The following KDM4B variants were observed in gnomAD, a reference collection of about 807,000 sequenced individuals.
KDM4B encodes lysine demethylase 4B.
In KDM4B, 32 loss-of-function variants were observed where a neutral mutation model predicts 125.2. The observed-to-expected ratio is 0.26, with a 90% CI of 0.19 to 0.34. The LOEUF (loss-of-function observed/expected upper bound fraction) is 0.34, where lower values mean the gene tolerates loss of function less well. Ranked by LOEUF, KDM4B falls within the 10% of genes least tolerant of loss-of-function variation. The pLI, the probability that KDM4B is intolerant of heterozygous loss-of-function variation, is 1.00. For synonymous variants in KDM4B, 721 were observed against 677.9 expected (o/e 1.06, Z -0.99); for missense variants, 1,190 against 1,577.7 (o/e 0.75, Z 4.16).
At chr19:5,016,849 T>C (rs1330927235) in intron 2 of KDM4B, among the ~76,000 whole-genome samples, 1 of 152,232 alleles carries the variant, frequency 6.6e-6, no homozygotes, top group Non-Finnish European at 1.5e-5. Flanking sequence ...GCCTTTCTTA[T>C]AAGCCGGTGG....
At chr19:4,979,365 C>T (rs1333874727) in intron 1 of KDM4B, among the ~76,000 whole-genome samples, 5 of 152,224 alleles carry the variant, frequency 3.3e-5, no homozygotes, top group African/African-American at 4.8e-5. Context: ...CTGCTGTTTG[C>T]GCAGAGCCTT....
At chr19:5,065,948 G>A (rs1338429005) in intron 6 of KDM4B, among the ~76,000 whole-genome samples, 1 of 152,206 alleles carries the variant, frequency 6.6e-6, no homozygotes, top group Non-Finnish European at 1.5e-5. Flanking sequence ...CGCTGGCTGA[G>A]CCTGGTGGGG....
rs1470477522 is a variant in KDM4B at position 5,047,497 on chromosome 19, G to A, written c.454G>A (p.Gly152Arg). Residue 152 changes from glycine (G) to arginine (R), a missense_variant, in exon 6 of 23, where the codon GGG becomes AGG. Coordinates refer to ENST00000159111, the MANE Select transcript of KDM4B (RefSeq NM_015015.3). ...ACAGGACGTGGCCCAGTGGAACATC[G>A]GGAGCCTCCGGACCATCCTGGACAT... is the stretch of plus-strand genomic sequence containing the variant. The part of the protein sequence containing the change: ...YDDDVAQWNI[G>R]SLRTILDMVE... The A allele has an allele frequency of 7.4e-6, 12 of 1,611,006 alleles. No homozygotes were observed. The highest frequency in any genetic ancestry group is 5.5e-5 in the South Asian group (5 of 90,918).
At chr19:5,083,074 C>T (rs62115603) in intron 9 of KDM4B, among the ~76,000 whole-genome samples, 1 of 152,176 alleles carries the variant, frequency 6.6e-6, no homozygotes, top group East Asian at 1.9e-4. Flanking sequence ...CTTAGCATGC[C>T]CGTGGGAAGA....
rs927191815 is a variant in KDM4B at position 5,142,682 on chromosome 19, C to G, written c.2551-1285C>G. ...CCAGGCTCCCCAGGGAGCACAGCCT[C>G]CACTCCTACACACTGGCTACTCTGC... is the stretch of plus-strand genomic sequence containing the variant. On this transcript the variant is annotated intron_variant, in intron 18 of 22. Coordinates refer to ENST00000159111, the MANE Select transcript of KDM4B (RefSeq NM_015015.3). This position sits in a 1 kb window ranked among gnomAD's most constrained non-coding sequence, Gnocchi z 5.4. Among the ~76,000 whole-genome samples the G allele has an allele frequency of 6.6e-6, 1 of 152,120 alleles. No individual in the cohort carries two copies. The highest frequency in any genetic ancestry group is 1.5e-5 in the Non-Finnish European group (1 of 68,008).
At chr19:5,026,207 C>G (rs920648968) in intron 2 of KDM4B, among the ~76,000 whole-genome samples, 1 of 148,972 alleles carries the variant, frequency 6.7e-6, no homozygotes, top group African/African-American at 2.5e-5. Context: ...GGAGTTTGCC[C>G]TGGTCTCCCA....
chr19:5,104,947 G>A (rs2039006914), intron 9 of KDM4B, among the ~76,000 whole-genome samples: 1 of 152,220 alleles, frequency 6.6e-6, no homozygotes, highest in Admixed American at 6.5e-5. Context: ...CAGCCGGAAT[G>A]TGCAAAGTCC....
intron 3 of KDM4B, among the ~76,000 whole-genome samples, chr19:5,038,124 C>T (rs989731355): frequency 6.6e-6 from 1 of 152,220 alleles, no homozygotes; most frequent in African/African-American, 2.4e-5. Flanking sequence ...TGAGCCGAAG[C>T]GGGTGGGTTA....
intron 6 of KDM4B, among the ~76,000 whole-genome samples, chr19:5,063,723 A>G (rs755036844): frequency 3.3e-5 from 5 of 152,218 alleles, no homozygotes; most frequent in Non-Finnish European, 5.9e-5. Flanking sequence ...TCCTGTGAAC[A>G]GCTTTGTTTG....
At position 5,033,041 on chromosome 19, in the gene KDM4B, A is replaced by G. The variant is rs761362713; in HGVS notation, c.141+10A>G. ...GGCGGGCCTGGCCAAGGTGGGTGACATCCTGGCCCCAGCGCGGCCCTCCAT... is the reference window on the plus strand; with the variant it reads ...GGCGGGCCTGGCCAAGGTGGGTGACGTCCTGGCCCCAGCGCGGCCCTCCAT... On this transcript the variant is annotated intron_variant, in intron 3 of 22. Transcript: ENST00000159111. The G allele has an allele frequency of 8.7e-6, 14 of 1,612,238 alleles. No homozygotes were observed. The South Asian group carries it at 9.9e-5, about 11-fold the overall frequency.
intron 12 of KDM4B, 116 bp downstream of exon 12, chr19:5,131,661 A>AGGTGGGGTGGAGCGGGGGAGGAGGGGG (rs1568316990): frequency 5.3e-6 from 1 of 189,552 alleles, no homozygotes; most frequent in African/African-American, 1.0e-4. Flanking sequence ...GGAGGAGGGG[A>AGGTGGGGTGGAGCGGGGGAGGAGGGGG]CAGGAGGGCT....
At chr19:5,056,900 GGGGCGGGGAGT>G (rs2037417249) in intron 6 of KDM4B, among the ~76,000 whole-genome samples, 4 of 150,442 alleles carry the variant, frequency 2.7e-5, no homozygotes, top group South Asian at 2.1e-4. Context: ...GGGGAGTCCT[GGGGCGGGGAGT>G]CCTGGGGTGT....
At position 5,055,675 on chromosome 19, in the gene KDM4B, G is replaced by T. The variant is rs970645475; in HGVS notation, c.626+8006G>T. Among the ~76,000 whole-genome samples, 16 of 152,314 alleles carry T rather than the reference G, an allele frequency of 1.1e-4. No individual in the cohort carries two copies. In the East Asian group the frequency reaches 2.1e-3, roughly 20 times the overall value. ...CGGGTGGTGGCCGTGATGGGGACTGGGAGGACACCCCACAGCAGGTGAGTG... is the reference window on the plus strand; with the variant it reads ...CGGGTGGTGGCCGTGATGGGGACTGTGAGGACACCCCACAGCAGGTGAGTG... On this transcript the variant is annotated intron_variant, in intron 6 of 22. Transcript: ENST00000159111.
At chr19:5,103,245 T>G (rs2038971613) in intron 9 of KDM4B, among the ~76,000 whole-genome samples, 2 of 152,230 alleles carry the variant, frequency 1.3e-5, no homozygotes, top group Admixed American at 1.3e-4. Context: ...CGAGCCAATT[T>G]CGCTTGGCAC....
At chr19:5,093,434 C>T (rs558801138) in intron 9 of KDM4B, among the ~76,000 whole-genome samples, 102 of 152,226 alleles carry the variant, frequency 6.7e-4, no homozygotes, top group Middle Eastern at 3.4e-3. Flanking sequence ...GCCCCGCAGC[C>T]GAAGCCCAGG....
At chr19:4,991,164 A>G (rs1176824121) in intron 1 of KDM4B, among the ~76,000 whole-genome samples, 2 of 152,046 alleles carry the variant, frequency 1.3e-5, no homozygotes, top group Non-Finnish European at 2.9e-5. Flanking sequence ...TGTTATGGAG[A>G]ATTTGACTAC....
chr19:5,057,652 C>T (rs1202577477), intron 6 of KDM4B, among the ~76,000 whole-genome samples: 1 of 152,186 alleles, frequency 6.6e-6, no homozygotes, highest in Non-Finnish European at 1.5e-5. Flanking sequence ...TCCTTGTTCA[C>T]GGACGAGGCA....
intron 9 of KDM4B, among the ~76,000 whole-genome samples, chr19:5,102,578 C>T (rs867119602): frequency 7.9e-5 from 12 of 152,102 alleles, no homozygotes; most frequent in Middle Eastern, 6.8e-3. Flanking sequence ...GGGCCGGGGC[C>T]GGGGTGGCAT....
chr19:5,042,512 A>C (rs1167458804), intron 5 of KDM4B, among the ~76,000 whole-genome samples: 1 of 152,078 alleles, frequency 6.6e-6, no homozygotes. Flanking sequence ...AAAAAAAAAA[A>C]AAAGAAGGAA....
Sources: gnomAD v4.1 joint callset for allele counts (sites outside exome capture counted in the v4.1 genomes callset) on GRCh38, gnomAD v4.1.1 for gene constraint, Gnocchi (gnomAD v3.1) non-coding constraint, MANE v1.5 for transcripts, NCBI Gene and HGNC (gene_info 2026-07-23, HGNC 2026-07-21) for gene names.